The following SPAG16 variants were observed in gnomAD, a reference collection of about 807,000 sequenced individuals.
The protein encoded by SPAG16 is sperm associated antigen 16.
In SPAG16, 86 loss-of-function variants were observed where a neutral mutation model predicts 80.4. The ratio of observed to expected loss-of-function variants is 1.07; its 90% CI spans 0.90 to 1.28. SPAG16 has a LOEUF of 1.28. Ranked by LOEUF, SPAG16 falls within the 50% of genes most tolerant of loss-of-function variation. SPAG16 has a pLI of 0.00. For missense variants in SPAG16, 870 were observed against 765.3 expected, an observed-to-expected ratio of 1.14 and a Z score of -1.61; for synonymous variants, 294 against 265.9, an observed-to-expected ratio of 1.11 and a Z score of -1.03.
Position 214,252,257 on chromosome 2 carries a change from C to CT in SPAG16, c.1720+102999dup, listed in dbSNP as rs540247883. On this transcript the variant is annotated intron_variant, in intron 15 of 15. Coordinates refer to ENST00000331683, the MANE Select transcript of SPAG16 (RefSeq NM_024532.5). ...GACATTTTGTGAAATAGAAATATTC[C>CT]TTTTTTTTAATTTTGTAGCTCTAAC... Among the ~76,000 whole-genome samples the CT allele has an allele frequency of 3.6e-3, 548 of 151,610 alleles. 2 individuals are homozygous for CT. Among genetic ancestry groups the CT allele is most frequent in the Non-Finnish European group, 5.7e-3 (386 of 67,850 alleles).
At chr2:214,195,873 T>C (rs1381793232) in intron 15 of SPAG16, among the ~76,000 whole-genome samples, 1 of 152,048 alleles carries the variant, frequency 6.6e-6, no homozygotes, top group Non-Finnish European at 1.5e-5. Context: ...CATTATGATT[T>C]TATTTAAAGT....
chr2:213,471,923 A>C (rs1380650898), intron 9 of SPAG16, among the ~76,000 whole-genome samples: 2 of 152,218 alleles, frequency 1.3e-5, no homozygotes, highest in Non-Finnish European at 2.9e-5. Flanking sequence ...GAAAGATCCC[A>C]CACAACTGGA....
intron 10 of SPAG16, among the ~76,000 whole-genome samples, chr2:213,786,270 C>A (rs1036848594): frequency 1.3e-5 from 2 of 152,092 alleles, no homozygotes; most frequent in Non-Finnish European, 2.9e-5. Flanking sequence ...ACTATGGGAG[C>A]TCCGTGGTAG....
At chr2:213,574,950 A>G (rs1420858054) in intron 10 of SPAG16, among the ~76,000 whole-genome samples, 1 of 152,068 alleles carries the variant, frequency 6.6e-6, no homozygotes, top group Non-Finnish European at 1.5e-5. Flanking sequence ...AGGACAATGT[A>G]TGGTCAATTT....
At chr2:213,847,959 G>T (rs16851002) in intron 10 of SPAG16, among the ~76,000 whole-genome samples, 7,207 of 152,242 alleles carry the variant, frequency 0.047, 200 homozygotes, top group East Asian at 0.072. Flanking sequence ...TTTGAGAGGG[G>T]TATGTGCTGC....
intron 5 of SPAG16, among the ~76,000 whole-genome samples, chr2:213,337,164 CAG>C (rs2064406869): frequency 2.0e-5 from 3 of 152,244 alleles, no homozygotes; most frequent in East Asian, 3.9e-4. Flanking sequence ...AAAAGAAAAA[CAG>C]AAAACAACAA....
At chr2:213,332,596 A>G (rs1041902773) in intron 5 of SPAG16, among the ~76,000 whole-genome samples, 1 of 152,150 alleles carries the variant, frequency 6.6e-6, no homozygotes, top group Non-Finnish European at 1.5e-5. Flanking sequence ...ACCACAGGCC[A>G]GTATCTCTGA....
At position 213,490,024 on chromosome 2, in the gene SPAG16, T is replaced by C; in HGVS notation, c.1004T>C (p.Leu335Pro). 2.5e-6 allele frequency: 4 copies of C among 1,611,240 alleles called. No homozygotes were observed. Among genetic ancestry groups the C allele is most frequent in the Non-Finnish European group, 3.4e-6 (4 of 1,178,704 alleles). ...AACCTGAATGTTTCTAAAGAAAGTC[T>C]TTCTCCAGCAAAATTTGACTACAAG... ...NPNLNVSKES[L>P]SPAKFDYKLK... The change falls in exon 10 of 16, where the codon CTT (leucine) becomes CCT (proline). Residue 335 changes from leucine to proline, a missense_variant. Coordinates refer to ENST00000331683, the MANE Select transcript of SPAG16 (RefSeq NM_024532.5).
intron 10 of SPAG16, among the ~76,000 whole-genome samples, chr2:213,612,878 G>A: frequency 6.6e-6 from 1 of 151,998 alleles, no homozygotes; most frequent in Middle Eastern, 3.4e-3. Flanking sequence ...GAGATGTGTT[G>A]GTCAGGCTGG....
At chr2:214,029,211 A>C (rs2048287110) in intron 13 of SPAG16, among the ~76,000 whole-genome samples, 1 of 152,042 alleles carries the variant, frequency 6.6e-6, no homozygotes, top group Admixed American at 6.6e-5. Flanking sequence ...AGAAAACTGC[A>C]AGTACAAAAA....
At chr2:214,305,988 T>C (rs1271791044) in intron 15 of SPAG16, among the ~76,000 whole-genome samples, 1 of 152,186 alleles carries the variant, frequency 6.6e-6, no homozygotes, top group African/African-American at 2.4e-5. Context: ...TTTAATGATA[T>C]TGATTCTTTC....
At chr2:213,880,902 A>G (rs2076318287) in intron 11 of SPAG16, among the ~76,000 whole-genome samples, 1 of 152,152 alleles carries the variant, frequency 6.6e-6, no homozygotes, top group African/African-American at 2.4e-5. Flanking sequence ...GAAGTCAGAT[A>G]ATGTGATGCC....
At position 213,356,576 on chromosome 2, in the gene SPAG16, A is replaced by G. The variant is rs558177062; in HGVS notation, c.762+5931A>G. Reference sequence around the variant, plus strand: ...TTCTCTGATGGTAGTTTGTATTTCTATGGGATCGGTGGGGATATCCCCTTT... The same window carrying G: ...TTCTCTGATGGTAGTTTGTATTTCTGTGGGATCGGTGGGGATATCCCCTTT... On this transcript the variant is annotated intron_variant, in intron 7 of 15. Transcript: ENST00000331683. 1.3e-3 allele frequency among the ~76,000 whole-genome samples: 192 copies of G among 152,048 alleles called. 1 individual carries two copies. Among genetic ancestry groups the G allele is most frequent in the Admixed American group, 2.2e-3 (33 of 15,258 alleles).
At chr2:213,897,687 G>A (rs140926495) in intron 11 of SPAG16, among the ~76,000 whole-genome samples, 8 of 152,150 alleles carry the variant, frequency 5.3e-5, no homozygotes, top group South Asian at 4.1e-4. Context: ...CATCACACGC[G>A]GTGCTAATCT....
At chr2:213,601,453 C>A (rs920643899) in intron 10 of SPAG16, among the ~76,000 whole-genome samples, 1 of 152,038 alleles carries the variant, frequency 6.6e-6, no homozygotes. Flanking sequence ...AATTTAGAGG[C>A]TAAATACAAC....
chr2:213,866,268 C>G (rs762858154), intron 11 of SPAG16, among the ~76,000 whole-genome samples: 1 of 151,888 alleles, frequency 6.6e-6, no homozygotes, highest in African/African-American at 2.4e-5. Context: ...TTAAACCTAA[C>G]GGATACAGTA....
chr2:213,399,408 A>G lies in SPAG16; in HGVS notation c.942+24289A>G, dbSNP rs1575483509. On this transcript the variant is annotated intron_variant, in intron 9 of 15. Transcript: ENST00000331683. Reference sequence around the variant, plus strand: ...AGATTTTATTTTATCATGAATAAGTATTGTATTTTCTGCTTCTGAGACTGT... The same window carrying G: ...AGATTTTATTTTATCATGAATAAGTGTTGTATTTTCTGCTTCTGAGACTGT... Among the ~76,000 whole-genome samples, 4 of 152,128 alleles carry G rather than the reference A, an allele frequency of 2.6e-5. 1 individual carries two copies. The highest frequency in any genetic ancestry group is 3.9e-4 in the East Asian group (2 of 5,186).
At chr2:213,523,448 G>C (rs916261474) in intron 10 of SPAG16, among the ~76,000 whole-genome samples, 1 of 152,116 alleles carries the variant, frequency 6.6e-6, no homozygotes, top group African/African-American at 2.4e-5. Flanking sequence ...AGTAGAGTGG[G>C]GTACTGCTAT....
intron 10 of SPAG16, among the ~76,000 whole-genome samples, chr2:213,629,344 A>G (rs567143368): frequency 2.0e-5 from 3 of 152,336 alleles, no homozygotes; most frequent in African/African-American, 7.2e-5. Flanking sequence ...GTTCTAGCTG[A>G]AGCACCTAGC....
Sources: gnomAD v4.1 joint callset for allele counts (sites outside exome capture counted in the v4.1 genomes callset) on GRCh38, gnomAD v4.1.1 for gene constraint, MANE v1.5 for transcripts, NCBI Gene and HGNC (gene_info 2026-07-23, HGNC 2026-07-21) for gene names.